Variants in SH3TC1 observed in about 807,000 individuals in gnomAD.
SH3TC1 encodes the protein SH3 domain and tetratricopeptide repeats 1, also known as SH3 domain and tetratricopeptide repeat-containing protein 1.
In SH3TC1, 135 loss-of-function variants were observed where a neutral mutation model predicts 117.3. The ratio of observed to expected loss-of-function variants is 1.15; its 90% confidence interval spans 1.00 to 1.33. The LOEUF (loss-of-function observed/expected upper bound fraction) is 1.33. Ranked by LOEUF, SH3TC1 falls within the 40% of genes most tolerant of loss-of-function variation. The probability of loss-of-function intolerance (pLI) is 0.00; values close to 1 mark genes in which losing one functional copy is unlikely to be tolerated. For missense variants in SH3TC1, 2,092 were observed against 1,794.3 expected, an observed-to-expected ratio of 1.17 and a Z score of -3.00; for synonymous variants, 898 against 816.9, an observed-to-expected ratio of 1.10 and a Z score of -1.69.
intron 15 of SH3TC1, 66 bp downstream of exon 15, chr4:8,235,621 G>A: frequency 3.4e-6 from 5 of 1,489,900 alleles, no homozygotes; most frequent in Non-Finnish European, 3.6e-6. Context: ...TGAGGCACAG[G>A]TGTGGCAGGG....
At chr4:8,214,674 GTTTA>G in intron 5 of SH3TC1, 94 bp downstream of exon 5, 2 of 951,742 alleles carry the variant, frequency 2.1e-6, no homozygotes, top group Non-Finnish European at 3.3e-6. Flanking sequence ...CTGGTGCTTT[GTTTA>G]TTTATTTATT....
At chr4:8,230,031 G>A (rs957123258) in intron 12 of SH3TC1, among the ~76,000 whole-genome samples, 1 of 151,778 alleles carries the variant, frequency 6.6e-6, no homozygotes, top group Non-Finnish European at 1.5e-5. Flanking sequence ...CAGGGGACGA[G>A]GATCATGCTT....
chr4:8,189,821 C>T (rs1273663569), intron 1 of SH3TC1, among the ~76,000 whole-genome samples: 3 of 152,242 alleles, frequency 2.0e-5, no homozygotes. Flanking sequence ...ACCCCGCCGG[C>T]GTGAGCTCCC....
chr4:8,202,687 G>A (rs914570739), intron 1 of SH3TC1, among the ~76,000 whole-genome samples: 5 of 152,192 alleles, frequency 3.3e-5, no homozygotes, highest in African/African-American at 9.7e-5. Context: ...TTGCTGGCCC[G>A]GGGCTGATCC....
At chr4:8,230,348 G>C (rs1300170779) in intron 12 of SH3TC1, among the ~76,000 whole-genome samples, 1 of 152,000 alleles carries the variant, frequency 6.6e-6, no homozygotes, top group Admixed American at 6.6e-5. Flanking sequence ...GTTCCCCCAG[G>C]CTGGTCTTGA....
In SH3TC1 at chr4:8,209,059, A is replaced by G. The variant is rs1718435431; in HGVS notation, c.173-689A>G. Among the ~76,000 whole-genome samples the G allele has an allele frequency of 1.3e-5, 2 of 152,208 alleles. No homozygotes were observed. Among genetic ancestry groups the G allele is most frequent in the African/African-American group, 4.8e-5 (2 of 41,456 alleles). On this transcript the variant is annotated intron_variant, in intron 2 of 17. Coordinates refer to ENST00000245105, the MANE Select transcript of SH3TC1 (RefSeq NM_018986.5). The surrounding 1 kb of genome is among the most constrained non-coding windows in gnomAD (Gnocchi z 5.9). ...GAGGGGTGACCCCCAGCAGGGAACC[A>G]AGCAACCAGTAGGGGTCTATGTCCT...
At position 8,205,723 on chromosome 4, in the gene SH3TC1, G is replaced by A. The variant is rs979727391; in HGVS notation, c.172+357G>A. On this transcript the variant is annotated intron_variant, in intron 2 of 17. Transcript: ENST00000245105. The surrounding 1 kb of genome is among the most constrained non-coding windows in gnomAD (Gnocchi z 5.4). ...AACCCCTGAGAGTCCTCAGGATGAG[G>A]CATCCTCGTTCTCCAGGAGGCACCC... 42 of 693,000 alleles carry A rather than the reference G, an allele frequency of 6.1e-5. No homozygotes were observed. Among genetic ancestry groups the A allele is most frequent in the Non-Finnish European group, 8.8e-5 (33 of 375,726 alleles). 42.9% of individuals were successfully genotyped at this position (693,000 alleles called of 1,614,324 possible).
At chr4:8,231,812 C>A in intron 12 of SH3TC1, 164 bp from the exon 13 acceptor site, 1 of 739,822 alleles carries the variant, frequency 1.4e-6, no homozygotes, top group Middle Eastern at 3.7e-4. Flanking sequence ...TGGGCATCTG[C>A]ACCAAGCTGT....
intron 5 of SH3TC1, among the ~76,000 whole-genome samples, 174 bp from the exon 6 acceptor site, chr4:8,215,937 C>CTG (rs1554134024): frequency 7.2e-5 from 11 of 151,840 alleles, no homozygotes; most frequent in Non-Finnish European, 1.5e-4. Flanking sequence ...GGTGGTCAGG[C>CTG]CGTGGGCTGC....
rs993043323 is a variant in SH3TC1, at chr4:8,210,120, T to C, written c.247+298T>C. On this transcript the variant is annotated intron_variant, in intron 3 of 17. Transcript: ENST00000245105. The surrounding 1 kb of genome is among the most constrained non-coding windows in gnomAD (Gnocchi z 4.1). Reference sequence around the variant, plus strand: ...CCAGGGAGGGGCTTCACAGGTGCCATATGGTAAGAGGTAGACGAAAGTACC... The same window carrying C: ...CCAGGGAGGGGCTTCACAGGTGCCACATGGTAAGAGGTAGACGAAAGTACC... Among the ~76,000 whole-genome samples the C allele has an allele frequency of 6.6e-6, 1 of 151,950 alleles. No homozygotes were observed. Among genetic ancestry groups the C allele is most frequent in the Non-Finnish European group, 1.5e-5 (1 of 67,950 alleles).
At chr4:8,230,236 T>G (rs1291269711) in intron 12 of SH3TC1, among the ~76,000 whole-genome samples, 1 of 152,260 alleles carries the variant, frequency 6.6e-6, no homozygotes, top group African/African-American at 2.4e-5. Flanking sequence ...CTTTTATTTC[T>G]GTCAGGTCAG....
chr4:8,236,355 G>A lies in SH3TC1; in HGVS notation c.3483G>A (p.Leu1161=). 1 of 1,548,452 alleles carries A rather than the reference G, an allele frequency of 6.5e-7. No homozygotes were observed. Among genetic ancestry groups the A allele is most frequent in the Non-Finnish European group, 8.7e-7 (1 of 1,146,068 alleles). ...ELRLCNKLVA[L]LATLEEPQEG... ...GGCTGTGCAACAAGCTGGTGGCACTGCTGGCCACGCTGGAGGAGCCCCAGG... is the reference window on the plus strand; with the variant it reads ...GGCTGTGCAACAAGCTGGTGGCACTACTGGCCACGCTGGAGGAGCCCCAGG... The change falls in exon 16 of 18, where the codon CTG becomes CTA. Residue 1161 remains leucine, a synonymous_variant. Coordinates refer to ENST00000245105, the MANE Select transcript of SH3TC1 (RefSeq NM_018986.5).
At chr4:8,232,700 C>A (rs924128335) in intron 13 of SH3TC1, 2 of 1,290,314 alleles carry the variant, frequency 1.6e-6, no homozygotes, top group Non-Finnish European at 2.0e-6. Context: ...GGCCACCCCA[C>A]CCACAGGGCC....
intron 12 of SH3TC1, among the ~76,000 whole-genome samples, chr4:8,230,783 CTTTTT>C (rs59242411): frequency 4.5e-5 from 6 of 134,150 alleles, no homozygotes; most frequent in Non-Finnish European, 6.2e-5. Context: ...ATATGCTGTG[CTTTTT>C]TTTTTTTTTT....
Position 8,217,109 on chromosome 4 carries a change from G to C in SH3TC1, c.781G>C (p.Val261Leu). The change falls in exon 7 of 18, where the codon GTG becomes CTG. Residue 261 changes from valine to leucine, a missense_variant. Coordinates refer to ENST00000245105, the MANE Select transcript of SH3TC1 (RefSeq NM_018986.5). ...ETDSSPPSPS[V>L]SSEEVAVAAA... ...AGACTCTTCACCGCCGAGCCCCAGC[G>C]TGTCCTCCGAGGAGGTGGCAGTGGC... The C allele has an allele frequency of 6.2e-7, 1 of 1,613,710 alleles. No individual in the cohort carries two copies. The highest frequency in any genetic ancestry group is 1.1e-5 in the South Asian group (1 of 91,070).
chr4:8,187,165 T>C lies in SH3TC1; in HGVS notation c.-57+4955T>C, dbSNP rs530460765. Among the ~76,000 whole-genome samples the C allele has an allele frequency of 3.9e-5, 6 of 152,298 alleles. No individual in the cohort carries two copies. The East Asian group carries it at 1.2e-3, about 29-fold the overall frequency. On this transcript the variant is annotated intron_variant, in intron 1 of 16. Transcript: ENST00000508641. ...CCAACGCCACTCCTGTTCCACACTA[T>C]CAGTTGGATTTGTCTGACGTGTTTC...
chr4:8,214,422 A>T, intron 4 of SH3TC1, 53 bp from the exon 5 acceptor site: 1 of 1,538,858 alleles, frequency 6.5e-7, no homozygotes, highest in African/African-American at 1.4e-5. Context: ...TCCTCCTGAC[A>T]GATGCCCCAG....
chr4:8,187,556 T>G (rs1717265535), intron 1 of SH3TC1, among the ~76,000 whole-genome samples: 1 of 141,268 alleles, frequency 7.1e-6, no homozygotes, highest in Non-Finnish European at 1.5e-5. Context: ...TTTCTTTTCT[T>G]TTTTTTTTTT....
intron 1 of SH3TC1, among the ~76,000 whole-genome samples, chr4:8,204,569 T>C (rs1718045426): frequency 6.6e-6 from 1 of 152,210 alleles, no homozygotes; most frequent in South Asian, 2.1e-4. Context: ...ACAGCAGGGT[T>C]CTGACTATGT....
Sources: gnomAD v4.1 joint callset for allele counts (sites outside exome capture counted in the v4.1 genomes callset) on GRCh38, gnomAD v4.1.1 for gene constraint, Gnocchi (gnomAD v3.1) non-coding constraint, MANE v1.5 for transcripts, NCBI Gene and HGNC (gene_info 2026-07-23, HGNC 2026-07-21) for gene names.